GXYLT2: variants seen among roughly 807,000 people sequenced by gnomAD.
GXYLT2 encodes the protein glycosyltransferase 8 domain containing 4.
In GXYLT2, 53 loss-of-function variants were observed where a neutral mutation model predicts 45.8. The observed-to-expected ratio is 1.16, with a 90% CI of 0.93 to 1.46. GXYLT2 has a LOEUF of 1.46. GXYLT2 is among the 40% of genes most tolerant of loss of function. The pLI, the probability that GXYLT2 is intolerant of heterozygous loss-of-function variation, is 0.00. For missense variants in GXYLT2, 551 were observed against 544.4 expected (o/e 1.01, Z -0.12); for synonymous variants, 219 against 214.2 (o/e 1.02, Z -0.19).
At chr3:72,947,617 T>C (rs1332381494) in intron 3 of GXYLT2, among the ~76,000 whole-genome samples, 2 of 152,130 alleles carry the variant, frequency 1.3e-5, no homozygotes, top group African/African-American at 4.8e-5. Context: ...CTAGCCAACA[T>C]GGTGAAACCT....
chr3:72,915,254 G>GA (rs200252917), intron 2 of GXYLT2, among the ~76,000 whole-genome samples: 69 of 133,656 alleles, frequency 5.2e-4, no homozygotes, highest in African/African-American at 1.6e-3. Context: ...TTTAAAGAAA[G>GA]AAAAAAAAGC....
intron 5 of GXYLT2, among the ~76,000 whole-genome samples, chr3:72,967,237 A>C (rs1235261863): frequency 6.6e-6 from 1 of 152,220 alleles, no homozygotes. Flanking sequence ...CATGGATTTC[A>C]GTGGTTTTGA....
At chr3:72,932,318 A>G (rs1710054304) in intron 3 of GXYLT2, among the ~76,000 whole-genome samples, 1 of 152,212 alleles carries the variant, frequency 6.6e-6, no homozygotes, top group Non-Finnish European at 1.5e-5. Context: ...TCAGCCTCCC[A>G]AAGTGCTGGG....
chr3:72,940,878 G>C (rs1339819612), intron 3 of GXYLT2, among the ~76,000 whole-genome samples: 1 of 152,056 alleles, frequency 6.6e-6, no homozygotes, highest in Non-Finnish European at 1.5e-5. Flanking sequence ...GATTGGATCT[G>C]TATGTTGCCC....
intron 2 of GXYLT2, among the ~76,000 whole-genome samples, chr3:72,913,420 C>T (rs952728289): frequency 2.0e-4 from 31 of 151,752 alleles, no homozygotes; most frequent in Admixed American, 1.8e-3. Context: ...AGGGGATGGG[C>T]ATGATGGCTC....
intron 3 of GXYLT2, among the ~76,000 whole-genome samples, chr3:72,954,866 A>G (rs1030234393): frequency 2.0e-5 from 3 of 152,160 alleles, no homozygotes; most frequent in Non-Finnish European, 4.4e-5. Flanking sequence ...GGGCTAATCC[A>G]GACCAAGATT....
chr3:72,902,262 C>T (rs1709423712), intron 1 of GXYLT2, among the ~76,000 whole-genome samples: 1 of 152,208 alleles, frequency 6.6e-6, no homozygotes, highest in Non-Finnish European at 1.5e-5. Context: ...AACTACCAAA[C>T]TGTTTTCCAA....
intron 2 of GXYLT2, among the ~76,000 whole-genome samples, chr3:72,915,324 TC>T (rs1283713463): frequency 7.5e-6 from 1 of 132,776 alleles, no homozygotes; most frequent in Admixed American, 8.0e-5. Context: ...CCATGCCTCT[TC>T]GTTACCCATT....
chr3:72,960,759 T>G (rs1296300895), intron 5 of GXYLT2, among the ~76,000 whole-genome samples: 3 of 152,162 alleles, frequency 2.0e-5, no homozygotes, highest in Non-Finnish European at 4.4e-5. Context: ...TCATGTATAT[T>G]GATTGCAGAG....
intron 3 of GXYLT2, among the ~76,000 whole-genome samples, chr3:72,936,881 GT>G (rs1358511524): frequency 6.6e-6 from 1 of 152,162 alleles, no homozygotes; most frequent in African/African-American, 2.4e-5. Flanking sequence ...GGGAATTTGT[GT>G]GAAAGAGAGC....
rs1228052747 is a variant in GXYLT2, at chr3:72,922,324, CTCTT to C, written c.594_597del (p.Leu199ArgfsTer2). ...GTTCAAACCCTGTGCTGCCCAGAGA[CTCTT>C]TCTTCCGGTAGGAACACCTGTTTTT... On this transcript the variant is annotated frameshift_variant, in exon 3 of 7. Transcript: ENST00000389617. LOFTEE classifies it high-confidence loss of function. 1.2e-6 allele frequency: 2 copies of C among 1,611,130 alleles called. No homozygotes were observed. Among genetic ancestry groups the C allele is most frequent in the Non-Finnish European group, 8.5e-7 (1 of 1,179,228 alleles).
rs147928655 is a variant in GXYLT2, at chr3:72,909,572, C to T, written c.468+1013C>T. Among the ~76,000 whole-genome samples the T allele has an allele frequency of 3.0e-3, 452 of 152,280 alleles. 5 individuals carry two copies. Among genetic ancestry groups the T allele is most frequent in the African/African-American group, 0.01 (421 of 41,550 alleles). On this transcript the variant is annotated intron_variant, in intron 2 of 6. Coordinates refer to ENST00000389617, the MANE Select transcript of GXYLT2 (RefSeq NM_001080393.2). ...GCATTGTTCCCAGTCAGTACTCCTA[C>T]ATTCTTACCTCATTCTTTTTGGTGA... is the stretch of plus-strand genomic sequence containing the variant.
chr3:72,961,122 T>TG (rs893085963), intron 5 of GXYLT2, among the ~76,000 whole-genome samples: 1 of 152,116 alleles, frequency 6.6e-6, no homozygotes, highest in African/African-American at 2.4e-5. Flanking sequence ...CTGAAACGCG[T>TG]GGGGGCTTTC....
Position 72,975,042 on chromosome 3 carries a change from T to G in GXYLT2, c.1215T>G (p.Thr405=). 2 of 1,612,948 alleles carry G rather than the reference T, an allele frequency of 1.2e-6. No homozygotes were observed. Among genetic ancestry groups the G allele is most frequent in the Non-Finnish European group, 1.7e-6 (2 of 1,179,230 alleles). ...YYPLQLKFLE[T]VHTLCGRIPQ... Reference sequence around the variant, plus strand: ...CCCTTCAGCTGAAGTTTTTGGAGACTGTGCACACTTTATGTGGACGAATCC... The same window carrying G: ...CCCTTCAGCTGAAGTTTTTGGAGACGGTGCACACTTTATGTGGACGAATCC... Residue 405 remains threonine (T), a synonymous_variant, in exon 7 of 7, where the codon ACT becomes ACG. Transcript: ENST00000389617.
intron 1 of GXYLT2, among the ~76,000 whole-genome samples, chr3:72,899,889 A>G (rs4343570): frequency 0.36 from 54,368 of 152,008 alleles, 9,828 homozygotes; most frequent in Admixed American, 0.42. Flanking sequence ...TTTCCCCCAC[A>G]TATTTCTGTT....
intron 3 of GXYLT2, among the ~76,000 whole-genome samples, chr3:72,949,418 T>A (rs910614655): frequency 6.6e-6 from 1 of 151,546 alleles, no homozygotes; most frequent in Non-Finnish European, 1.5e-5. Flanking sequence ...AACCTTCTCA[T>A]CATCACTTTG....
chr3:72,915,366 G>T lies in GXYLT2; in HGVS notation c.468+6807G>T, dbSNP rs375193630. On this transcript the variant is annotated intron_variant, in intron 2 of 6. Coordinates refer to ENST00000389617, the MANE Select transcript of GXYLT2 (RefSeq NM_001080393.2). ...TTTTTTTTTTTTTTGCGGGGGGGGG[G>T]GGGATTTAGGAAAAATAGCCCATAG... 7.7e-5 allele frequency among the ~76,000 whole-genome samples: 10 copies of T among 130,134 alleles called. No homozygotes were observed. The South Asian group carries it at 8.4e-4, about 11-fold the overall frequency. 85.4% of individuals were successfully genotyped at this position (130,134 alleles called of 152,430 possible).
chr3:72,904,677 C>CA (rs1208949677), intron 1 of GXYLT2, among the ~76,000 whole-genome samples: 2 of 149,584 alleles, frequency 1.3e-5, no homozygotes, highest in Non-Finnish European at 3.0e-5. Context: ...TTTGGGGCCA[C>CA]AAAAAATATA....
At chr3:72,910,343 GCCATA>G (rs1222842944) in intron 2 of GXYLT2, among the ~76,000 whole-genome samples, 1 of 152,042 alleles carries the variant, frequency 6.6e-6, no homozygotes, top group Non-Finnish European at 1.5e-5. Flanking sequence ...TAATCGATAT[GCCATA>G]CCACCTCCTC....
Sources: allele counts gnomAD v4.1 joint callset (sites outside exome capture counted in the v4.1 genomes callset), GRCh38; gene constraint gnomAD v4.1.1; transcripts MANE v1.5; gene names NCBI Gene and HGNC (gene_info 2026-07-23, HGNC 2026-07-21).